Variants in ABCG2 observed in about 807,000 individuals in gnomAD.
ABCG2 encodes the protein broad substrate specificity ATP-binding cassette transporter ABCG2.
ABCG2 carries 80 observed loss-of-function variants against 73.5 expected under a neutral mutation model. That is an observed-to-expected ratio of 1.09 (90% CI 0.91 to 1.31). ABCG2 has a LOEUF of 1.31. ABCG2 is among the 50% of genes most tolerant of loss of function. The pLI, the probability that ABCG2 is intolerant of heterozygous loss-of-function variation, is 0.00. For missense variants in ABCG2, 796 were observed against 786.2 expected, an observed-to-expected ratio of 1.01 and a Z score of -0.15; for synonymous variants, 269 against 282.4, an observed-to-expected ratio of 0.95 and a Z score of 0.48.
intron 2 of ABCG2, among the ~76,000 whole-genome samples, chr4:88,133,273 A>G (rs886495869): frequency 7.9e-5 from 12 of 152,314 alleles, no homozygotes; most frequent in African/African-American, 2.9e-4. Context: ...AAGTATTCTC[A>G]CTGCTAAAAT....
chr4:88,181,468 T>C (rs905842370), intron 1 of ABCG2, among the ~76,000 whole-genome samples: 20 of 148,546 alleles, frequency 1.3e-4, no homozygotes, highest in African/African-American at 4.3e-4. Flanking sequence ...TGGTGACTCA[T>C]GTATGTAATT....
intron 9 of ABCG2, among the ~76,000 whole-genome samples, chr4:88,108,179 A>G (rs1258825086): frequency 6.6e-6 from 1 of 152,146 alleles, no homozygotes; most frequent in Admixed American, 6.5e-5. Context: ...TTATGATATA[A>G]TTTATCTGAG....
intron 1 of ABCG2, among the ~76,000 whole-genome samples, chr4:88,147,880 G>A (rs1726162097): frequency 6.6e-6 from 1 of 152,168 alleles, no homozygotes; most frequent in African/African-American, 2.4e-5. Flanking sequence ...ATCTAAGAAC[G>A]CAGTATGATT....
intron 1 of ABCG2, among the ~76,000 whole-genome samples, chr4:88,195,867 T>TA (rs1728923119): frequency 6.6e-6 from 1 of 152,162 alleles, no homozygotes; most frequent in Non-Finnish European, 1.5e-5. Flanking sequence ...ACTGAGGTGT[T>TA]TTTCTCTTAC....
At chr4:88,186,329 G>C (rs149193425) in intron 1 of ABCG2, among the ~76,000 whole-genome samples, 14 of 152,292 alleles carry the variant, frequency 9.2e-5, no homozygotes, top group African/African-American at 3.4e-4. Flanking sequence ...CGAACTCATG[G>C]AGATAGAGCA....
intron 1 of ABCG2, among the ~76,000 whole-genome samples, chr4:88,171,806 T>A (rs899076378): frequency 2.0e-5 from 3 of 152,152 alleles, no homozygotes; most frequent in Non-Finnish European, 2.9e-5. Flanking sequence ...ATATTACCCA[T>A]CCTGACAGCC....
At chr4:88,221,608 C>T (rs1164810208) in intron 1 of ABCG2, among the ~76,000 whole-genome samples, 2 of 152,130 alleles carry the variant, frequency 1.3e-5, no homozygotes, top group East Asian at 3.9e-4. Flanking sequence ...CAATAAAGTG[C>T]AGGCTGAGGT....
intron 1 of ABCG2, among the ~76,000 whole-genome samples, chr4:88,183,262 C>T (rs1387542813): frequency 6.6e-6 from 1 of 151,444 alleles, no homozygotes; most frequent in Non-Finnish European, 1.5e-5. Context: ...AAACAATAGA[C>T]AAAATCAATG....
At chr4:88,099,194 G>T (rs1055660023) in intron 12 of ABCG2, 130 bp downstream of exon 12, 1 of 824,552 alleles carries the variant, frequency 1.2e-6, no homozygotes, top group Admixed American at 2.9e-5. Context: ...GTGCAAAATG[G>T]ACAGGTGTTT....
At chr4:88,220,551 T>C (rs1253511897) in intron 1 of ABCG2, 1 of 152,688 alleles carries the variant, frequency 6.5e-6, no homozygotes, top group Admixed American at 6.5e-5. Flanking sequence ...TTCCCATTTA[T>C]CTTGATTCAA....
At chr4:88,102,937 C>A (rs1375486780) in intron 10 of ABCG2, among the ~76,000 whole-genome samples, 1 of 152,088 alleles carries the variant, frequency 6.6e-6, no homozygotes, top group African/African-American at 2.4e-5. Context: ...AGAGACAGAG[C>A]TGCCCTCGGT....
At chr4:88,164,698 T>C (rs1727446110) in intron 1 of ABCG2, among the ~76,000 whole-genome samples, 3 of 152,230 alleles carry the variant, frequency 2.0e-5, no homozygotes, top group Non-Finnish European at 2.9e-5. Flanking sequence ...AACAGACTAA[T>C]ACAGAAACTT....
chr4:88,161,168 A>T (rs1185133099), upstream of ABCG2, among the ~76,000 whole-genome samples: 17 of 90,648 alleles, frequency 1.9e-4, no homozygotes, highest in Non-Finnish European at 2.8e-4. Flanking sequence ...TTTTTTTTTT[A>T]ATTTTTTTTT....
rs761492726 is a variant in ABCG2 at position 88,131,908 on chromosome 4, A to T, written c.273T>A (p.Asp91Glu). 1.2e-6 allele frequency: 2 copies of T among 1,612,932 alleles called. No homozygotes were observed. Among genetic ancestry groups the T allele is most frequent in the East Asian group, 4.5e-5 (2 of 44,862 alleles). Residue 91 changes from aspartate (D) to glutamate (E), a missense_variant, in exon 4 of 16, where the codon GAT becomes GAA. Coordinates refer to ENST00000237612, the MANE Select transcript of ABCG2 (RefSeq NM_004827.3). Reference sequence around the variant, plus strand: ...TTGGATCTTTCCTTGCAGCTAAGACATCTAATAACCTATAAGAGGACATAT... The same window carrying T: ...TTGGATCTTTCCTTGCAGCTAAGACTTCTAATAACCTATAAGAGGACATAT... ...PTGGGKSSLL[D>E]VLAARKDPSG... is the part of the protein sequence containing the mutation.
At chr4:88,160,968 G>T (rs1467732546), upstream of ABCG2, among the ~76,000 whole-genome samples, 1 of 151,102 alleles carries the variant, frequency 6.6e-6, no homozygotes. Flanking sequence ...TTGAGCCCAG[G>T]AGTTCAAGAC....
At chr4:88,192,498 C>T (rs577628646) in intron 1 of ABCG2, among the ~76,000 whole-genome samples, 4 of 152,128 alleles carry the variant, frequency 2.6e-5, no homozygotes, top group African/African-American at 4.8e-5. Context: ...CGGCTCACTA[C>T]AAGCTCCACC....
At chr4:88,189,023 A>AAC (rs397820886) in intron 1 of ABCG2, among the ~76,000 whole-genome samples, 1 of 31,806 alleles carries the variant, frequency 3.1e-5, no homozygotes, top group Admixed American at 4.6e-4. Flanking sequence ...AAACAACAAC[A>AAC]AAAAAAACAC....
intron 1 of ABCG2, among the ~76,000 whole-genome samples, chr4:88,202,374 A>ATATATATATATATATATATGTATG (rs1240795047): frequency 2.6e-5 from 3 of 115,832 alleles, no homozygotes; most frequent in South Asian, 2.8e-4. Context: ...ATATATATAT[A>ATATATATATATATATATATGTATG]TATGTATATT....
chr4:88,108,982 TAAG>T (rs951677536), intron 9 of ABCG2, among the ~76,000 whole-genome samples: 3 of 151,386 alleles, frequency 2.0e-5, no homozygotes, highest in Non-Finnish European at 4.4e-5. Flanking sequence ...GTAAAACTTT[TAAG>T]AATATTCAAT....
Sources: gnomAD v4.1 joint callset for allele counts (sites outside exome capture counted in the v4.1 genomes callset) on GRCh38, gnomAD v4.1.1 for gene constraint, MANE v1.5 for transcripts, NCBI Gene and HGNC (gene_info 2026-07-23, HGNC 2026-07-21) for gene names.